The following LY75 variants were observed in gnomAD, a reference collection of about 807,000 sequenced individuals.
LY75 encodes the protein C-type lectin domain family 13 member B.
In LY75, 185 loss-of-function variants were observed where a neutral mutation model predicts 231.7. The observed-to-expected ratio is 0.80, with a 90% CI of 0.71 to 0.90. The LOEUF is 0.90. Among genes scored for constraint, LY75 ranks in the 40% least tolerant of loss-of-function variants. The pLI, the probability that LY75 is intolerant of heterozygous loss-of-function variation, is 0.00. For synonymous variants in LY75, 668 were observed against 689.0 expected (o/e 0.97, Z 0.48); for missense variants, 1,947 against 2,050.2 (o/e 0.95, Z 0.97).
Position 159,840,794 on chromosome 2 carries a change from C to G in LY75, c.3442G>C (p.Ala1148Pro). ...LVSITDPYQQ[A>P]FLSVQALLHN... ...AGGAGCGCCTGCACACTGAGGAATG[C>G]CTGCTGGTAAGGGTCCGTGATGCTC... Residue 1148 changes from alanine to proline, a missense_variant, in exon 25 of 35, where the codon GCA becomes CCA. Transcript: ENST00000263636. 1 of 1,614,064 alleles carries G rather than the reference C, an allele frequency of 6.2e-7. No homozygotes were observed. Among genetic ancestry groups the G allele is most frequent in the Non-Finnish European group, 8.5e-7 (1 of 1,179,978 alleles).
At chr2:159,832,513 T>C (rs1683694663) in intron 27 of LY75, among the ~76,000 whole-genome samples, 1 of 152,218 alleles carries the variant, frequency 6.6e-6, no homozygotes, top group Non-Finnish European at 1.5e-5. Flanking sequence ...AGATCTTCCT[T>C]TTCCTTAGTT....
intron 23 of LY75, among the ~76,000 whole-genome samples, chr2:159,843,566 A>G (rs1321821815): frequency 6.6e-6 from 1 of 151,916 alleles, no homozygotes; most frequent in Non-Finnish European, 1.5e-5. Context: ...CCTTATATTG[A>G]CCTTATAAGG....
chr2:159,828,965 A>G (rs1363290993), intron 28 of LY75, among the ~76,000 whole-genome samples: 1 of 152,232 alleles, frequency 6.6e-6, no homozygotes, highest in Non-Finnish European at 1.5e-5. Context: ...GGCAATCTGT[A>G]GAGACAGAAA....
intron 32 of LY75, among the ~76,000 whole-genome samples, chr2:159,808,974 A>T (rs886099756): frequency 3.3e-5 from 5 of 152,184 alleles, no homozygotes; most frequent in Non-Finnish European, 7.3e-5. Context: ...TGCTTAACCT[A>T]CATATTAGTT....
intron 23 of LY75, among the ~76,000 whole-genome samples, chr2:159,849,563 G>A (rs906999824): frequency 1.3e-5 from 2 of 152,164 alleles, no homozygotes; most frequent in Non-Finnish European, 1.5e-5. Context: ...TAAGTGCTAT[G>A]GAATCTGATG....
chr2:159,836,920 C>A (rs1278989392), intron 25 of LY75, among the ~76,000 whole-genome samples: 1 of 152,206 alleles, frequency 6.6e-6, no homozygotes, highest in Non-Finnish European at 1.5e-5. Context: ...TCATCCCACA[C>A]CTTTTATCTT....
chr2:159,805,580 A>T (rs1265118925), intron 34 of LY75, among the ~76,000 whole-genome samples: 1 of 152,236 alleles, frequency 6.6e-6, no homozygotes, highest in Admixed American at 6.5e-5. Context: ...GCAAATTGCT[A>T]AAAGCTATAA....
intron 6 of LY75, among the ~76,000 whole-genome samples, chr2:159,883,285 AAAAAAAAAG>A (rs1011391176): frequency 3.6e-4 from 53 of 148,842 alleles, no homozygotes; most frequent in African/African-American, 1.3e-3. Flanking sequence ...GTATAATTAA[AAAAAAAAAG>A]AAAAAAAAAT....
intron 12 of LY75, among the ~76,000 whole-genome samples, chr2:159,874,521 TA>T (rs1431831638): frequency 2.2e-5 from 2 of 91,140 alleles, no homozygotes; most frequent in African/African-American, 6.8e-5. Context: ...AATATGTACA[TA>T]TTTTGTAAAT....
intron 26 of LY75, 120 bp downstream of exon 26, chr2:159,835,360 G>C: frequency 9.1e-7 from 1 of 1,094,642 alleles, no homozygotes; most frequent in South Asian, 2.2e-5. Flanking sequence ...GCCATAAAAA[G>C]ACATGACTAT....
At position 159,904,666 on chromosome 2, in the gene LY75, G is replaced by T. The variant is rs542966991; in HGVS notation, c.17C>A (p.Ala6Glu). The change falls in exon 1 of 35, where the codon GCG becomes GAG. Residue 6 changes from alanine to glutamate, a missense_variant. Physicochemically the swap from Ala to Glu is moderately radical, Grantham distance 107 (BLOSUM62 -1). Transcript: ENST00000263636. ...GAGCCCCGCCGGGCGGCGAGGGGTCGCCCAGCCTGTCCTCATCCTGAGCTG... is the reference window on the plus strand; with the variant it reads ...GAGCCCCGCCGGGCGGCGAGGGGTCTCCCAGCCTGTCCTCATCCTGAGCTG... MRTGWATPRRPAGLLM... is the reference protein window; with the variant it reads MRTGWETPRRPAGLLM... 2.7e-6 allele frequency: 4 copies of T among 1,484,672 alleles called. No homozygotes were observed. In the South Asian group the frequency reaches 3.8e-5, roughly 14 times the overall value. The allele number at this position is 1,484,672 out of a possible 1,614,324, so 92.0% of individuals were successfully genotyped here. A position where few individuals can be genotyped will look rare whatever the true frequency, so the allele number is the denominator to read the frequency against.
intron 25 of LY75, among the ~76,000 whole-genome samples, chr2:159,838,401 G>C (rs1284624879): frequency 6.6e-6 from 1 of 152,030 alleles, no homozygotes; most frequent in Non-Finnish European, 1.5e-5. Context: ...AAGTGGGGAG[G>C]GGAGTTACAA....
At chr2:159,877,009 C>CAAAAAAAAAAAAAAAAAAAAAAAAAAA (rs58831835) in intron 11 of LY75, among the ~76,000 whole-genome samples, 2 of 90,528 alleles carry the variant, frequency 2.2e-5, no homozygotes, top group Non-Finnish European at 4.1e-5. Flanking sequence ...AACTCCATCT[C>CAAAAAAAAAAAAAAAAAAAAAAAAAAA]AAAAAAAAAA....
At chr2:159,853,774 C>A in intron 18 of LY75, 77 bp from the exon 19 acceptor site, 2 of 1,579,552 alleles carry the variant, frequency 1.3e-6, no homozygotes, top group Non-Finnish European at 1.7e-6. Context: ...CATTGTCTTA[C>A]TATAATCACT....
At chr2:159,805,818 T>C (rs12478470) in intron 34 of LY75, among the ~76,000 whole-genome samples, 38,233 of 152,084 alleles carry the variant, frequency 0.25, 6,182 homozygotes, top group Admixed American at 0.43. Context: ...ACTTTTGATT[T>C]GCAACACCCT....
intron 3 of LY75, among the ~76,000 whole-genome samples, chr2:159,891,553 T>G (rs1685757180): frequency 6.6e-6 from 1 of 152,160 alleles, no homozygotes; most frequent in Non-Finnish European, 1.5e-5. Context: ...CCCTCAGGTT[T>G]GAGAAACTTT....
At chr2:159,854,632 C>A in intron 17 of LY75, 97 bp from the exon 18 acceptor site, 1 of 1,399,964 alleles carries the variant, frequency 7.1e-7, no homozygotes, top group South Asian at 1.4e-5. Flanking sequence ...AATAGTAATT[C>A]AGATTACCGG....
At chr2:159,881,292 T>A (rs372360131) in intron 7 of LY75, 52 bp from the exon 8 acceptor site, 12 of 1,556,262 alleles carry the variant, frequency 7.7e-6, no homozygotes, top group Non-Finnish European at 1.0e-5. Flanking sequence ...AATACTGTAA[T>A]ATGTACATTG....
intron 21 of LY75, among the ~76,000 whole-genome samples, chr2:159,851,075 A>T (rs1245352025): frequency 1.3e-5 from 2 of 151,810 alleles, no homozygotes; most frequent in Non-Finnish European, 2.9e-5. Flanking sequence ...CTTAATCATC[A>T]TCTCCTTATG....
Sources: allele counts gnomAD v4.1 joint callset (sites outside exome capture counted in the v4.1 genomes callset), GRCh38; gene constraint gnomAD v4.1.1; transcripts MANE v1.5; gene names NCBI Gene and HGNC (gene_info 2026-07-23, HGNC 2026-07-21).